DGKB: variants seen among roughly 807,000 people sequenced by gnomAD.
DGKB encodes diacylglycerol kinase beta, also known as 90 kDa diacylglycerol kinase.
A neutral mutation model predicts 114.3 loss-of-function variants in DGKB; 67 were observed. The ratio of observed to expected loss-of-function variants is 0.59; its 90% confidence interval spans 0.48 to 0.72. The LOEUF (loss-of-function observed/expected upper bound fraction) is 0.72. DGKB is among the 30% of genes least tolerant of loss of function. DGKB has a pLI of 0.00. For missense variants in DGKB, 907 were observed against 975.2 expected, an observed-to-expected ratio of 0.93 and a Z score of 0.93; for synonymous variants, 398 against 323.1, an observed-to-expected ratio of 1.23 and a Z score of -2.49.
At chr7:14,757,799 AAC>A (rs1835109431) in intron 2 of DGKB, 68 bp from the exon 3 acceptor site, 3 of 750,704 alleles carry the variant, frequency 4.0e-6, no homozygotes, top group African/African-American at 3.6e-5. Context: ...CCAGTCCAGA[AAC>A]AGAGACCACT....
intron 23 of DGKB, among the ~76,000 whole-genome samples, chr7:14,188,262 G>A (rs1783745001): frequency 6.6e-6 from 1 of 152,236 alleles, no homozygotes; most frequent in Non-Finnish European, 1.5e-5. Context: ...GAGTGTCAGA[G>A]GGAAAGAGAC....
intron 20 of DGKB, among the ~76,000 whole-genome samples, chr7:14,536,542 G>A (rs1387379312): frequency 1.3e-5 from 2 of 152,094 alleles, no homozygotes. Flanking sequence ...CATGACCTTA[G>A]CAAACAAAAG....
intron 17 of DGKB, among the ~76,000 whole-genome samples, chr7:14,588,404 G>A (rs1376956016): frequency 6.6e-6 from 1 of 151,920 alleles, no homozygotes; most frequent in Non-Finnish European, 1.5e-5. Flanking sequence ...ACCTTAACTA[G>A]TCTTCTGTAA....
chr7:14,594,518 T>C (rs1397743437), intron 17 of DGKB, among the ~76,000 whole-genome samples: 1 of 152,042 alleles, frequency 6.6e-6, no homozygotes, highest in Non-Finnish European at 1.5e-5. Context: ...TTGAAAGAAG[T>C]TAAAATGGAA....
intron 1 of DGKB, among the ~76,000 whole-genome samples, chr7:14,901,933 C>T (rs1783151508): frequency 6.6e-6 from 1 of 152,026 alleles, no homozygotes; most frequent in Non-Finnish European, 1.5e-5. Context: ...GTAAAAATCG[C>T]CACTTTAAAA....
intron 20 of DGKB, among the ~76,000 whole-genome samples, chr7:14,556,632 T>A (rs546489127): frequency 6.6e-6 from 1 of 152,292 alleles, no homozygotes; most frequent in South Asian, 2.1e-4. Context: ...CTCTTGTTTT[T>A]ATTTAAAACA....
At chr7:14,928,985 C>T (rs1478452459) in intron 1 of DGKB, among the ~76,000 whole-genome samples, 2 of 151,072 alleles carry the variant, frequency 1.3e-5, no homozygotes, top group Non-Finnish European at 3.0e-5. Flanking sequence ...GACATAATTC[C>T]ATTCTTTTTT....
chr7:14,886,905 G>C (rs1188012447), intron 1 of DGKB, among the ~76,000 whole-genome samples: 1 of 151,870 alleles, frequency 6.6e-6, no homozygotes, highest in Non-Finnish European at 1.5e-5. Context: ...ACCCACTCCA[G>C]CCAAAATGGA....
intron 4 of DGKB, among the ~76,000 whole-genome samples, chr7:14,738,065 C>T (rs555957453): frequency 3.9e-5 from 6 of 152,288 alleles, no homozygotes; most frequent in African/African-American, 1.4e-4. Context: ...GGCGATTAGG[C>T]CAACAGTCAG....
intron 16 of DGKB, among the ~76,000 whole-genome samples, chr7:14,609,512 A>G (rs1805126621): frequency 1.3e-5 from 2 of 152,126 alleles, no homozygotes; most frequent in Admixed American, 1.3e-4. Context: ...TCAAATTGCA[A>G]CAAAAACAGA....
At chr7:14,218,523 T>A (rs1789378385) in intron 23 of DGKB, among the ~76,000 whole-genome samples, 1 of 152,100 alleles carries the variant, frequency 6.6e-6, no homozygotes. Context: ...GCTCTTTTTG[T>A]GCTTTGAATT....
At chr7:14,788,850 C>G (rs1051491830) in intron 2 of DGKB, among the ~76,000 whole-genome samples, 4 of 152,062 alleles carry the variant, frequency 2.6e-5, no homozygotes, top group African/African-American at 9.7e-5. Context: ...AATCTGTTGG[C>G]CTTGTGATGC....
intron 20 of DGKB, among the ~76,000 whole-genome samples, chr7:14,488,259 C>T (rs1231639100): frequency 6.6e-6 from 1 of 152,034 alleles, no homozygotes; most frequent in Non-Finnish European, 1.5e-5. Flanking sequence ...AATTATAAAT[C>T]CCACTCTTGC....
chr7:14,600,687 A>T (rs1029526309), intron 17 of DGKB, among the ~76,000 whole-genome samples: 4 of 152,212 alleles, frequency 2.6e-5, no homozygotes, highest in African/African-American at 9.6e-5. Context: ...ACAAGTCCCA[A>T]GTAAGTCCAA....
chr7:14,564,305 CT>C lies in DGKB; in HGVS notation c.1770+9906del, dbSNP rs554762205. Among the ~76,000 whole-genome samples the C allele has an allele frequency of 7.8e-4, 119 of 152,276 alleles. No individual in the cohort carries two copies. In the South Asian group the frequency reaches 9.3e-3, roughly 12 times the overall value. ...AAGTGCTGGACATTCAAACTAACCT[CT>C]TCCTTCCTCTAAGTAAAGCTGGGGG... On this transcript the variant is annotated intron_variant, in intron 20 of 25. Coordinates refer to ENST00000402815, the MANE Select transcript of DGKB (RefSeq NM_001350709.2).
intron 23 of DGKB, among the ~76,000 whole-genome samples, chr7:14,214,671 A>T (rs1053039292): frequency 2.2e-4 from 33 of 152,158 alleles, no homozygotes; most frequent in African/African-American, 7.5e-4. Flanking sequence ...CTCCTATTAC[A>T]TAATTACAAC....
rs768124721 is a variant in DGKB at position 14,540,171 on chromosome 7, C to A, written c.1770+34041G>T. 5.9e-5 allele frequency among the ~76,000 whole-genome samples: 9 copies of A among 152,134 alleles called. No homozygotes were observed. The South Asian group carries it at 1.9e-3, about 32-fold the overall frequency. On this transcript the variant is annotated intron_variant, in intron 20 of 25. Coordinates refer to ENST00000402815, the MANE Select transcript of DGKB (RefSeq NM_001350709.2). Reference sequence around the variant, plus strand: ...TTAATAAAGGAACATTCCCATACATCATTTTGGGAGGTATAATATTTGTTA... The same window carrying A: ...TTAATAAAGGAACATTCCCATACATAATTTTGGGAGGTATAATATTTGTTA...
intron 23 of DGKB, among the ~76,000 whole-genome samples, chr7:14,194,558 C>A (rs1045304754): frequency 1.3e-5 from 2 of 151,970 alleles, no homozygotes; most frequent in African/African-American, 4.8e-5. Context: ...TAACAAGAGT[C>A]ATTTAAAAAA....
intron 13 of DGKB, among the ~76,000 whole-genome samples, chr7:14,664,412 A>T (rs2128930691): frequency 6.6e-6 from 1 of 152,110 alleles, no homozygotes; most frequent in African/African-American, 2.4e-5. Flanking sequence ...CACTGCTAGC[A>T]AAGCTGTCTT....
Sources: allele counts gnomAD v4.1 joint callset (sites outside exome capture counted in the v4.1 genomes callset), GRCh38; gene constraint gnomAD v4.1.1; transcripts MANE v1.5; gene names NCBI Gene and HGNC (gene_info 2026-07-23, HGNC 2026-07-21).